Variants in TMCO5A observed in about 807,000 individuals in gnomAD.
TMCO5A encodes the protein transmembrane and coiled-coil domains 5A, also known as transmembrane and coiled-coil domain-containing protein 5A.
A neutral mutation model predicts 42.3 loss-of-function variants in TMCO5A; 34 were observed. The observed-to-expected ratio is 0.80, with a 90% CI of 0.61 to 1.07. The LOEUF is 1.07. TMCO5A is among the 50% of genes least tolerant of loss of function. TMCO5A has a pLI of 0.00. For missense variants in TMCO5A, 357 were observed against 327.9 expected (o/e 1.09, Z -0.69); for synonymous variants, 131 against 115.6 (o/e 1.13, Z -0.86).
chr15:37,978,870 C>T, the TMCO5A span, among the ~76,000 whole-genome samples: 27 of 152,076 alleles, frequency 1.8e-4, no homozygotes, highest in Non-Finnish European at 3.5e-4. Flanking sequence ...CCTCAGGGAG[C>T]TTTGACTCAT....
In TMCO5A at chr15:37,937,363, G is replaced by C; in HGVS notation, c.282G>C (p.Thr94=). The C allele has an allele frequency of 6.2e-7, 1 of 1,613,084 alleles. No homozygotes were observed. Among genetic ancestry groups the C allele is most frequent in the Non-Finnish European group, 8.5e-7 (1 of 1,179,358 alleles). The part of the protein sequence containing the change: ...ETARLERKNK[T]LVHSITELQQ... ...TCTCACAGGAAAGGAAGAATAAGAC[G>C]TTGGTCCACAGTATAACAGAACTTC... The change falls in exon 5 of 12, where the codon ACG becomes ACC. Residue 94 remains threonine (T), a synonymous_variant. Transcript: ENST00000319669.
At chr15:37,967,031 CA>C (rs1156988448) in exon 12 of TMCO5A, 1 of 210,746 alleles carries the variant, frequency 4.7e-6, no homozygotes, top group Non-Finnish European at 9.4e-6. Flanking sequence ...TTCCTATAAG[CA>C]AAAATTATAA....
chr15:38,031,614 G>A, the TMCO5A span, among the ~76,000 whole-genome samples: 1 of 152,072 alleles, frequency 6.6e-6, no homozygotes, highest in Non-Finnish European at 1.5e-5. Flanking sequence ...TCATACACCG[G>A]CACCTTTGTG....
rs777514472 is a variant in TMCO5A at position 37,936,403 on chromosome 15, T to C, written c.80T>C (p.Ile27Thr). The C allele has an allele frequency of 3.1e-5, 50 of 1,612,980 alleles. No homozygotes were observed. The Admixed American group carries it at 7.8e-4, about 25-fold the overall frequency. The change falls in exon 3 of 12, where the codon ATA becomes ACA. Residue 27 changes from isoleucine to threonine, a missense_variant. Physicochemically the swap from Ile to Thr is moderately conservative, Grantham distance 89. Transcript: ENST00000319669. ...GACCTTGAAAGGGATACGCAGAGAA[T>C]AGATGAAGCAAATCAGAAACTTCTT... ...NMDLERDTQR[I>T]DEANQKLLLK... is the part of the protein sequence containing the mutation.
chr15:37,945,130 G>A (rs1889897910), intron 10 of TMCO5A, among the ~76,000 whole-genome samples: 1 of 152,074 alleles, frequency 6.6e-6, no homozygotes. Flanking sequence ...TGCAGTGTTT[G>A]GGTTTCTGTT....
chr15:37,955,623 TAA>T (rs916957992), downstream of TMCO5A, among the ~76,000 whole-genome samples: 5 of 152,110 alleles, frequency 3.3e-5, no homozygotes, highest in African/African-American at 1.2e-4. Context: ...CAAAGAGACT[TAA>T]ACTCCCACAC....
the TMCO5A span, among the ~76,000 whole-genome samples, chr15:38,018,188 C>G: frequency 6.6e-6 from 1 of 152,126 alleles, no homozygotes; most frequent in South Asian, 2.1e-4. Context: ...TTGATACCAT[C>G]GTTAATCAAG....
chr15:38,006,294 T>A, the TMCO5A span, among the ~76,000 whole-genome samples: 2 of 152,162 alleles, frequency 1.3e-5, no homozygotes. Context: ...GTCTGTGGGC[T>A]CTGATATAGC....
the TMCO5A span, among the ~76,000 whole-genome samples, chr15:37,978,070 T>C: frequency 6.6e-6 from 1 of 152,136 alleles, no homozygotes; most frequent in Non-Finnish European, 1.5e-5. Context: ...TGCTTTCAGT[T>C]GCCTCTGGGA....
chr15:37,936,690 G>A (rs1889525194), intron 3 of TMCO5A, among the ~76,000 whole-genome samples, 157 bp from the exon 4 acceptor site: 1 of 152,138 alleles, frequency 6.6e-6, no homozygotes, highest in Admixed American at 6.5e-5. Flanking sequence ...TTAGGAATCA[G>A]GCAGGTCTTC....
At chr15:38,008,239 C>G in the TMCO5A span, among the ~76,000 whole-genome samples, 3 of 152,066 alleles carry the variant, frequency 2.0e-5, no homozygotes, top group African/African-American at 7.2e-5. Flanking sequence ...AGTGCAGACT[C>G]TCCCAGATTG....
At chr15:38,013,448 A>G in the TMCO5A span, among the ~76,000 whole-genome samples, 1 of 152,180 alleles carries the variant, frequency 6.6e-6, no homozygotes, top group Non-Finnish European at 1.5e-5. Context: ...CATCTTGGCT[A>G]TCAAGCACAA....
the TMCO5A span, among the ~76,000 whole-genome samples, chr15:37,987,953 A>G: frequency 6.6e-6 from 1 of 152,012 alleles, no homozygotes; most frequent in Non-Finnish European, 1.5e-5. Flanking sequence ...ACTTTGGGTA[A>G]CATTGACATC....
chr15:37,976,837 A>G, the TMCO5A span, among the ~76,000 whole-genome samples: 2 of 123,202 alleles, frequency 1.6e-5, no homozygotes, highest in South Asian at 2.5e-4. Flanking sequence ...TCTGTTGCCC[A>G]GGCAATAGCA....
In TMCO5A at chr15:37,936,888, A is replaced by T. The variant is rs1450001918; in HGVS notation, c.182A>T (p.Asp61Val). Residue 61 changes from aspartate to valine, a missense_variant, in exon 4 of 12, where the codon GAT (aspartate) becomes GTT (valine). Coordinates refer to ENST00000319669, the MANE Select transcript of TMCO5A (RefSeq NM_152453.4). ...ATTCAGACGCGGGGCCTGGTGGAAG[A>T]TGAAGAGTGGGAGAAGGAGAACCGC... ...EIIQTRGLVE[D>V]EEWEKENRTT... 6.2e-7 allele frequency: 1 copy of T among 1,612,388 alleles called. No individual in the cohort carries two copies. The highest frequency in any genetic ancestry group is 8.5e-7 in the Non-Finnish European group (1 of 1,179,158).
the TMCO5A span, chr15:38,020,435 A>G: frequency 2.0e-5 from 3 of 152,320 alleles, no homozygotes; most frequent in East Asian, 5.8e-4. Flanking sequence ...GAAAGGTACA[A>G]TGTAACTGCA....
the TMCO5A span, among the ~76,000 whole-genome samples, chr15:38,020,020 C>T: frequency 6.7e-5 from 10 of 149,064 alleles, no homozygotes; most frequent in African/African-American, 2.2e-4. Flanking sequence ...AGAGACAGGA[C>T]CTTGCTCTGT....
chr15:37,975,284 C>T, the TMCO5A span, among the ~76,000 whole-genome samples: 7 of 152,096 alleles, frequency 4.6e-5, no homozygotes, highest in South Asian at 1.4e-3. Context: ...GTTCAGGTCC[C>T]AAATATCTTT....
chr15:37,960,000 A>T (rs1031484082), intron 11 of TMCO5A, among the ~76,000 whole-genome samples: 1 of 152,022 alleles, frequency 6.6e-6, no homozygotes, highest in Admixed American at 6.6e-5. Flanking sequence ...CAAAATCAAC[A>T]TACAAAAATC....
Sources: gnomAD v4.1 joint callset for allele counts (sites outside exome capture counted in the v4.1 genomes callset) on GRCh38, gnomAD v4.1.1 for gene constraint, MANE v1.5 for transcripts, NCBI Gene and HGNC (gene_info 2026-07-23, HGNC 2026-07-21) for gene names.